Variants in DIP2C observed in about 807,000 individuals in gnomAD.
The protein encoded by DIP2C is disco-interacting protein 2 homolog C.
In DIP2C, 33 loss-of-function variants were observed where a neutral mutation model predicts 192.4. The ratio of observed to expected loss-of-function variants is 0.17; its 90% confidence interval spans 0.13 to 0.23. The LOEUF (loss-of-function observed/expected upper bound fraction) is 0.23, where lower values mean the gene tolerates loss of function less well. Among genes scored for constraint, DIP2C ranks in the 10% least tolerant of loss-of-function variants. The pLI, the probability that DIP2C is intolerant of heterozygous loss-of-function variation, is 1.00. For missense variants in DIP2C, 1,537 were observed against 2,110.1 expected (o/e 0.73, Z 5.32); for synonymous variants, 979 against 864.1 (o/e 1.13, Z -2.33).
At chr10:407,853 C>T (rs1434798554) in intron 9 of DIP2C, among the ~76,000 whole-genome samples, 3 of 152,086 alleles carry the variant, frequency 2.0e-5, no homozygotes, top group African/African-American at 7.2e-5. Flanking sequence ...AAATAATTTG[C>T]ATTTTCTCCC....
chr10:332,929 G>C (rs1957568344), intron 29 of DIP2C, among the ~76,000 whole-genome samples: 2 of 152,210 alleles, frequency 1.3e-5, no homozygotes, highest in South Asian at 4.1e-4. Flanking sequence ...TTGAGACAGA[G>C]TCTCACTCCG....
chr10:395,138 G>A (rs1421231570), intron 10 of DIP2C, among the ~76,000 whole-genome samples: 1 of 88,682 alleles, frequency 1.1e-5, no homozygotes, highest in Non-Finnish European at 2.3e-5. Flanking sequence ...AGTTGGGGGA[G>A]GGAGGAGATG....
intron 2 of DIP2C, among the ~76,000 whole-genome samples, chr10:477,513 A>G (rs1158583104): frequency 7.0e-4 from 1 of 1,420 alleles, no homozygotes; most frequent in African/African-American, 7.6e-4. Flanking sequence ...GGTGGGGAGG[A>G]AGGTGGATGG....
intron 1 of DIP2C, among the ~76,000 whole-genome samples, chr10:524,194 G>C (rs1175636944): frequency 6.6e-6 from 1 of 152,202 alleles, no homozygotes; most frequent in Non-Finnish European, 1.5e-5. Context: ...ACTGGAGGCA[G>C]CCTGGAGCTC....
intron 1 of DIP2C, among the ~76,000 whole-genome samples, chr10:593,051 G>A (rs1851493419): frequency 6.6e-6 from 1 of 152,192 alleles, no homozygotes; most frequent in African/African-American, 2.4e-5. Flanking sequence ...GTATGAGAGA[G>A]TAGCTTACAA....
intron 1 of DIP2C, among the ~76,000 whole-genome samples, chr10:601,286 G>A (rs141337908): frequency 7.6e-4 from 115 of 152,274 alleles, no homozygotes; most frequent in African/African-American, 2.6e-3. Flanking sequence ...ATTTTAGGAA[G>A]CTACATTAAG....
In DIP2C at chr10:356,396, T is replaced by G. The variant is rs759759231; in HGVS notation, c.2985+30A>C. On this transcript the variant is annotated intron_variant, in intron 24 of 36. Transcript: ENST00000280886. ...ACCAGGCTAGGCCCCTTGAGGCCAGTAGCCAGGGAAGGCCAGCTCCGCGCC... is the reference window on the plus strand; with the variant it reads ...ACCAGGCTAGGCCCCTTGAGGCCAGGAGCCAGGGAAGGCCAGCTCCGCGCC... 1.2e-5 allele frequency: 19 copies of G among 1,608,524 alleles called. No individual in the cohort carries two copies. In the Admixed American group the frequency reaches 1.3e-4, roughly 11 times the overall value.
chr10:385,159 G>A (rs954465504), intron 14 of DIP2C, among the ~76,000 whole-genome samples: 2 of 151,756 alleles, frequency 1.3e-5, no homozygotes, highest in African/African-American at 4.8e-5. Context: ...GGGACCCGAG[G>A]ATCAGCAGCT....
Position 640,479 on chromosome 10 carries a change from C to T in DIP2C, c.85+49015G>A, listed in dbSNP as rs143710199. On this transcript the variant is annotated intron_variant, in intron 1 of 36. Coordinates refer to ENST00000280886, the MANE Select transcript of DIP2C (RefSeq NM_014974.3). ...CCTGACAGCCTCGGACTCTGCTCCC[C>T]TCTGTTGGTTTCTTACTGCACCTCA... Among the ~76,000 whole-genome samples the T allele has an allele frequency of 2.5e-3, 383 of 152,328 alleles. 3 individuals carry two copies. The Middle Eastern group carries it at 0.031, about 12-fold the overall frequency.
At chr10:348,532 C>G in intron 26 of DIP2C, 109 bp downstream of exon 26, 1 of 1,524,670 alleles carries the variant, frequency 6.6e-7, no homozygotes, top group Non-Finnish European at 8.8e-7. Flanking sequence ...CAGACACACC[C>G]CGGCTTCCAC....
At position 619,416 on chromosome 10, in the gene DIP2C, C is replaced by T. The variant is rs1261177700; in HGVS notation, c.85+70078G>A. ...CTCAGCCTCTAGAGGCTTCCGCATC[C>T]CCTGGTCCTTATGGCACCCACCATC... is the stretch of plus-strand genomic sequence containing the variant. On this transcript the variant is annotated intron_variant, in intron 1 of 36. Transcript: ENST00000280886. Among the ~76,000 whole-genome samples, 4 of 152,030 alleles carry T rather than the reference C, an allele frequency of 2.6e-5. No individual in the cohort carries two copies. The East Asian group carries it at 7.7e-4, about 29-fold the overall frequency.
At chr10:370,615 T>C (rs1027621108) in intron 17 of DIP2C, among the ~76,000 whole-genome samples, 1 of 152,248 alleles carries the variant, frequency 6.6e-6, no homozygotes, top group African/African-American at 2.4e-5. Context: ...AGCTGCTGAC[T>C]GAATTTGCGA....
chr10:591,116 T>A (rs1013324805), intron 1 of DIP2C, among the ~76,000 whole-genome samples: 8 of 150,728 alleles, frequency 5.3e-5, no homozygotes, highest in Admixed American at 4.6e-4. Flanking sequence ...TTTCCATTAC[T>A]GGTTTTTTTT....
intron 1 of DIP2C, among the ~76,000 whole-genome samples, chr10:615,779 T>C (rs1021373982): frequency 1.3e-5 from 2 of 152,162 alleles, no homozygotes; most frequent in Non-Finnish European, 2.9e-5. Context: ...GTTTAAAATC[T>C]GCGTCTCATG....
At chr10:293,875 C>T (rs573209955) in intron 32 of DIP2C, among the ~76,000 whole-genome samples, 228 of 152,284 alleles carry the variant, frequency 1.5e-3, no homozygotes, top group Non-Finnish European at 2.5e-3. Context: ...AGACGGCCCA[C>T]GGTGGCCACC....
intron 1 of DIP2C, among the ~76,000 whole-genome samples, chr10:633,291 C>T (rs1854633271): frequency 6.6e-6 from 1 of 152,204 alleles, no homozygotes; most frequent in Non-Finnish European, 1.5e-5. Flanking sequence ...CGCCTGTGTA[C>T]CCAAGAGCCT....
intron 1 of DIP2C, among the ~76,000 whole-genome samples, chr10:591,083 C>T (rs1041842626): frequency 7.4e-6 from 1 of 135,856 alleles, no homozygotes; most frequent in African/African-American, 3.6e-5. Flanking sequence ...AAGCCGCCAC[C>T]TCCATCACAG....
rs1435148181 is a variant in DIP2C, at chr10:329,422, G to A, written c.3753+11C>T. Reference sequence around the variant, plus strand: ...CTCACAGGGCACTGAGCTGCCAAGGGAGCTGCTTACCTTGAGGGACTCTGT... The same window carrying A: ...CTCACAGGGCACTGAGCTGCCAAGGAAGCTGCTTACCTTGAGGGACTCTGT... On this transcript the variant is annotated intron_variant, in intron 30 of 36. Transcript: ENST00000280886. 2 of 1,609,958 alleles carry A rather than the reference G, an allele frequency of 1.2e-6. No homozygotes were observed. Among genetic ancestry groups the A allele is most frequent in the Non-Finnish European group, 1.7e-6 (2 of 1,177,960 alleles).
chr10:357,030 T>C (rs1257969901), intron 23 of DIP2C, among the ~76,000 whole-genome samples: 1 of 152,252 alleles, frequency 6.6e-6, no homozygotes, highest in East Asian at 1.9e-4. Flanking sequence ...TGTGTGCTAC[T>C]GAGCTGGTCC....
Sources: allele counts gnomAD v4.1 joint callset (sites outside exome capture counted in the v4.1 genomes callset), GRCh38; gene constraint gnomAD v4.1.1; transcripts MANE v1.5; gene names NCBI Gene and HGNC (gene_info 2026-07-23, HGNC 2026-07-21).